RARB: variants seen among roughly 807,000 people sequenced by gnomAD.
RARB encodes the protein retinoic acid receptor beta, also known as HBV-activated protein.
A neutral mutation model predicts 51.9 loss-of-function variants in RARB; 17 were observed. The ratio of observed to expected loss-of-function variants is 0.33; its 90% CI spans 0.22 to 0.49. The LOEUF (loss-of-function observed/expected upper bound fraction) is 0.49. Among genes scored for constraint, RARB ranks in the 20% least tolerant of loss-of-function variants. The pLI, the probability that RARB is intolerant of heterozygous loss-of-function variation, is 0.99. For missense variants in RARB, 369 were observed against 550.8 expected, an observed-to-expected ratio of 0.67 and a Z score of 3.30; for synonymous variants, 215 against 195.4, an observed-to-expected ratio of 1.10 and a Z score of -0.84.
chr3:25,385,199 A>G (rs1706756875), intron 5 of RARB, among the ~76,000 whole-genome samples: 2 of 152,120 alleles, frequency 1.3e-5, no homozygotes, highest in Non-Finnish European at 2.9e-5. Flanking sequence ...CAAGATTCAG[A>G]CTATTCCCTT....
intron 4 of RARB, among the ~76,000 whole-genome samples, chr3:25,573,374 C>T (rs1700787978): frequency 6.6e-6 from 1 of 152,200 alleles, no homozygotes; most frequent in South Asian, 2.1e-4. Context: ...TGGGGCCCAC[C>T]CTCCTAAACA....
intron 5 of RARB, among the ~76,000 whole-genome samples, chr3:25,350,311 C>T (rs2125456760): frequency 6.6e-6 from 1 of 152,290 alleles, no homozygotes; most frequent in Middle Eastern, 3.4e-3. Context: ...TGTTTCGGAG[C>T]TCTTTGCATT....
At chr3:24,946,061 C>A (rs537287081) in intron 2 of RARB, among the ~76,000 whole-genome samples, 1 of 151,834 alleles carries the variant, frequency 6.6e-6, no homozygotes, top group African/African-American at 2.4e-5. Context: ...GTCAGGAGAT[C>A]GAGATCATCC....
chr3:25,136,235 A>G (rs528901703), intron 4 of RARB, among the ~76,000 whole-genome samples: 1 of 152,104 alleles, frequency 6.6e-6, no homozygotes, highest in Admixed American at 6.6e-5. Context: ...CTTATTAAAG[A>G]CTCTTGAAGA....
intron 5 of RARB, among the ~76,000 whole-genome samples, chr3:25,192,567 G>T (rs935810065): frequency 1.3e-5 from 2 of 152,012 alleles, no homozygotes; most frequent in Non-Finnish European, 2.9e-5. Context: ...TTTTCCATCA[G>T]TGGTTCTCTA....
intron 5 of RARB, among the ~76,000 whole-genome samples, chr3:25,401,712 C>G (rs968389297): frequency 1.3e-5 from 2 of 152,110 alleles, no homozygotes; most frequent in South Asian, 4.1e-4. Flanking sequence ...AGTATTCAGA[C>G]GGAAGCACAA....
intron 1 of RARB, among the ~76,000 whole-genome samples, chr3:25,458,666 T>C (rs1241631750): frequency 6.6e-6 from 1 of 152,214 alleles, no homozygotes; most frequent in East Asian, 1.9e-4. Context: ...TCAAGATTGA[T>C]ATCTTCATCC....
chr3:24,983,581 T>G (rs1575105375), intron 2 of RARB, among the ~76,000 whole-genome samples: 1 of 152,114 alleles, frequency 6.6e-6, no homozygotes, highest in African/African-American at 2.4e-5. Flanking sequence ...CCCCTCCCTG[T>G]GTCCATGGGT....
Position 25,086,617 on chromosome 3 carries a change from A to T in RARB, c.-328+26441A>T, listed in dbSNP as rs184115461. Among the ~76,000 whole-genome samples, 18 of 152,166 alleles carry T rather than the reference A, an allele frequency of 1.2e-4. No individual in the cohort carries two copies. In the East Asian group the frequency reaches 3.3e-3, roughly 28 times the overall value. On this transcript the variant is annotated intron_variant, in intron 3 of 11. Coordinates refer to the RARB transcript ENST00000383772. ...GTTACAGCTTGGTTTTATGTGTTTT[A>T]GGGAGTCATAAGACATCAACCAATA... is the stretch of plus-strand genomic sequence containing the variant.
chr3:25,491,564 T>C (rs969365283), intron 2 of RARB, among the ~76,000 whole-genome samples: 1 of 152,194 alleles, frequency 6.6e-6, no homozygotes, highest in African/African-American at 2.4e-5. Context: ...ACTTTTGCTG[T>C]AGATGGTATT....
intron 2 of RARB, among the ~76,000 whole-genome samples, chr3:24,953,319 AAATG>A (rs1695939747): frequency 6.6e-6 from 1 of 152,208 alleles, no homozygotes; most frequent in Non-Finnish European, 1.5e-5. Context: ...GAAAAAAAAG[AAATG>A]AAAATTAGGA....
At chr3:25,010,495 G>C (rs546179983) in intron 2 of RARB, among the ~76,000 whole-genome samples, 1 of 152,064 alleles carries the variant, frequency 6.6e-6, no homozygotes, top group African/African-American at 2.4e-5. Flanking sequence ...ATTTACACCA[G>C]CTTAAATCTG....
At chr3:25,046,941 T>C (rs769643801) in intron 2 of RARB, among the ~76,000 whole-genome samples, 3 of 152,200 alleles carry the variant, frequency 2.0e-5, no homozygotes, top group Admixed American at 2.0e-4. Flanking sequence ...GGAACACTTA[T>C]TTCCTAGAAC....
intron 1 of RARB, among the ~76,000 whole-genome samples, chr3:25,432,078 G>A (rs540688790): frequency 3.3e-5 from 5 of 152,176 alleles, no homozygotes; most frequent in South Asian, 2.1e-4. Context: ...GGCACATGAC[G>A]GTGGTAACTA....
At chr3:25,318,966 G>A (rs1022054952) in intron 5 of RARB, among the ~76,000 whole-genome samples, 3 of 151,928 alleles carry the variant, frequency 2.0e-5, no homozygotes, top group South Asian at 2.1e-4. Flanking sequence ...GTCTTTCCCC[G>A]GGACTCCATG....
intron 3 of RARB, among the ~76,000 whole-genome samples, chr3:25,101,546 G>A (rs990696385): frequency 6.6e-6 from 1 of 151,310 alleles, no homozygotes; most frequent in African/African-American, 2.4e-5. Context: ...ATATCATTAT[G>A]TACAGATCTA....
intron 5 of RARB, among the ~76,000 whole-genome samples, chr3:25,208,507 G>A (rs1031316247): frequency 1.3e-5 from 2 of 151,990 alleles, no homozygotes; most frequent in African/African-American, 4.8e-5. Context: ...GCCCATCTTA[G>A]GAGAATAGCC....
At chr3:25,541,204 G>T (rs1283993276) in intron 3 of RARB, among the ~76,000 whole-genome samples, 2 of 152,136 alleles carry the variant, frequency 1.3e-5, no homozygotes, top group Admixed American at 6.5e-5. Context: ...GCTCTCTATT[G>T]ATAAATCCAT....
chr3:24,860,376 A>T (rs1403179505), intron 2 of RARB, among the ~76,000 whole-genome samples: 1 of 152,166 alleles, frequency 6.6e-6, no homozygotes, highest in Admixed American at 6.5e-5. Flanking sequence ...TTAACAGGAC[A>T]TGAGAGAGTT....
Sources: gnomAD v4.1 joint callset for allele counts (sites outside exome capture counted in the v4.1 genomes callset) on GRCh38, gnomAD v4.1.1 for gene constraint, MANE v1.5 for transcripts, NCBI Gene and HGNC (gene_info 2026-07-23, HGNC 2026-07-21) for gene names.